HELQ: variants seen among roughly 807,000 people sequenced by gnomAD.
HELQ encodes helicase, POLQ like, also known as helicase POLQ-like.
In HELQ, 77 loss-of-function variants were observed where a neutral mutation model predicts 111.6. The observed-to-expected ratio is 0.69, with a 90% CI of 0.57 to 0.83. The LOEUF (loss-of-function observed/expected upper bound fraction) is 0.83, where lower values mean the gene tolerates loss of function less well. HELQ is among the 40% of genes least tolerant of loss of function. The pLI, the probability that HELQ is intolerant of heterozygous loss-of-function variation, is 0.00. For synonymous variants in HELQ, 438 were observed against 454.7 expected (o/e 0.96, Z 0.47); for missense variants, 1,200 against 1,288.5 (o/e 0.93, Z 1.05).
intron 17 of HELQ, among the ~76,000 whole-genome samples, chr4:83,415,151 C>T (rs1739294281): frequency 1.3e-5 from 2 of 152,162 alleles, no homozygotes; most frequent in Admixed American, 6.5e-5. Flanking sequence ...AAGAAGGAAA[C>T]AATCTCAAAT....
rs59175583 is a variant in HELQ at position 83,429,763 on chromosome 4, T to C, written c.2296-17A>G. 0.017 allele frequency: 26,178 copies of C among 1,541,370 alleles called. 3,694 individuals are homozygous for C. In the African/African-American group the frequency reaches 0.31, roughly 18 times the overall value. On this transcript the variant is annotated splice_polypyrimidine_tract_variant and intron_variant, in intron 11 of 17. Transcript: ENST00000295488. ...CGTTGCAATCTGAAACAATTCAGGATATCATTGGAGCATTTTCCTTAATTC... is the reference window on the plus strand; with the variant it reads ...CGTTGCAATCTGAAACAATTCAGGACATCATTGGAGCATTTTCCTTAATTC...
chr4:83,455,072 C>G (rs1238581563), intron 1 of HELQ, among the ~76,000 whole-genome samples: 1 of 152,156 alleles, frequency 6.6e-6, no homozygotes, highest in African/African-American at 2.4e-5. Context: ...GTCGTAAAAT[C>G]TAGATAATAT....
chr4:83,448,759 T>G (rs377552190), intron 3 of HELQ, 24 bp downstream of exon 3: 5 of 1,582,926 alleles, frequency 3.2e-6, no homozygotes, highest in South Asian at 1.1e-5. Context: ...TAACATTTGT[T>G]TTAAAACATA....
chr4:83,448,459 CAGG>C (rs962165111), intron 3 of HELQ, among the ~76,000 whole-genome samples: 1 of 151,808 alleles, frequency 6.6e-6, no homozygotes, highest in Non-Finnish European at 1.5e-5. Context: ...CACTGGAGAT[CAGG>C]AGTTTGAGAC....
chr4:83,409,410 C>G (rs1474695619), intron 17 of HELQ, among the ~76,000 whole-genome samples: 2 of 151,980 alleles, frequency 1.3e-5, no homozygotes, highest in Non-Finnish European at 2.9e-5. Context: ...AAAATTTAGC[C>G]AGGCAAGGTG....
rs148996864 is a variant in HELQ, at chr4:83,429,539, G to A, written c.2503C>T (p.Arg835Cys). 66 of 1,601,750 alleles carry A rather than the reference G, an allele frequency of 4.1e-5. No individual in the cohort carries two copies. The highest frequency in any genetic ancestry group is 2.2e-4 in the Admixed American group (13 of 59,752). ...AAACTCTTACCCTTAAATGAAGCAC[G>A]TCCCAACTTTGTAATATGAAAATTA... Reference protein sequence around the residue: ...QYNFHITKLGRASFKGTIDLA... With the variant: ...QYNFHITKLGCASFKGTIDLA... Residue 835 changes from arginine (R) to cysteine (C), a missense_variant, in exon 12 of 18, where the codon CGT (arginine) becomes TGT (cysteine). Around this residue, in one of 3 missense-constraint regions of HELQ, gnomAD observed 585 missense variants for 665.3 expected, o/e 0.88. Transcript: ENST00000295488.
Position 83,447,107 on chromosome 4 carries a change from G to A in HELQ, c.1192-72C>T. The A allele has an allele frequency of 5.7e-6, 5 of 877,234 alleles. No individual in the cohort carries two copies. The South Asian group carries it at 7.8e-5, about 14-fold the overall frequency. The allele number at this position is 877,234 out of a possible 1,614,324, so 54.3% of individuals were successfully genotyped here. Reference sequence around the variant, plus strand: ...CAATGCCTGTAATCCCAGTACCTTGGGAGGCTGAGGCGGGAAGATCACTTG... The same window carrying A: ...CAATGCCTGTAATCCCAGTACCTTGAGAGGCTGAGGCGGGAAGATCACTTG... On this transcript the variant is annotated intron_variant, in intron 3 of 17. Transcript: ENST00000295488.
chr4:83,453,689 A>G lies in HELQ; in HGVS notation c.554T>C (p.Ile185Thr), dbSNP rs776555090. The G allele has an allele frequency of 5.0e-6, 8 of 1,614,022 alleles. No homozygotes were observed. The highest frequency in any genetic ancestry group is 2.2e-5 in the South Asian group (2 of 91,086). Residue 185 changes from isoleucine (I) to threonine (T), a missense_variant, in exon 2 of 18, where the codon ATT (isoleucine) becomes ACT (threonine). Coordinates refer to ENST00000295488, the MANE Select transcript of HELQ (RefSeq NM_133636.5). The part of the protein sequence containing the change: ...ENQSGYEGVT[I>T]EPGADLLYDV... ...ATACAAAAGATCAGCTCCAGGTTCAATAGTGACACCTTCATATCCACTCTG... is the reference window on the plus strand; with the variant it reads ...ATACAAAAGATCAGCTCCAGGTTCAGTAGTGACACCTTCATATCCACTCTG...
intron 2 of HELQ, among the ~76,000 whole-genome samples, chr4:83,451,346 C>G (rs1721353578): frequency 6.6e-6 from 1 of 152,010 alleles, no homozygotes; most frequent in Non-Finnish European, 1.5e-5. Context: ...CCAGAGTATA[C>G]CAGGCACAGT....
chr4:83,448,995 C>A, intron 2 of HELQ, 34 bp from the exon 3 acceptor site: 2 of 1,466,366 alleles, frequency 1.4e-6, no homozygotes, highest in Non-Finnish European at 1.8e-6. Flanking sequence ...CATTATTTTC[C>A]CCTTCCAAAC....
chr4:83,440,074 A>G (rs2109999740), intron 7 of HELQ, 66 bp from the exon 8 acceptor site: 1 of 1,260,800 alleles, frequency 7.9e-7, no homozygotes, highest in Non-Finnish European at 1.1e-6. Context: ...ATTTTTTACC[A>G]GTGTGATTTG....
rs11286110 is a variant in HELQ, at chr4:83,430,315, G to GA, written c.2296-570dup. On this transcript the variant is annotated intron_variant, in intron 11 of 17. Transcript: ENST00000295488. ...AACAAAATAAATTAAAAAAAGAACT[G>GA]AAAAAAAAAATACAAGTTTCCACTA... Among the ~76,000 whole-genome samples the GA allele has an allele frequency of 3.9e-3, 579 of 148,432 alleles. 5 individuals carry two copies. Among genetic ancestry groups the GA allele is most frequent in the African/African-American group, 0.012 (481 of 40,320 alleles).
intron 2 of HELQ, 47 bp downstream of exon 2, chr4:83,453,184 T>A (rs745654806): frequency 1.9e-6 from 2 of 1,067,440 alleles, no homozygotes; most frequent in Admixed American, 4.4e-5. Flanking sequence ...ACTAATATTA[T>A]GGTAATGATA....
At chr4:83,415,114 T>C (rs960232338) in intron 17 of HELQ, among the ~76,000 whole-genome samples, 2 of 152,138 alleles carry the variant, frequency 1.3e-5, no homozygotes, top group African/African-American at 4.8e-5. Flanking sequence ...GCCAAGCAAT[T>C]TCAGACTTAG....
chr4:83,427,945 A>G (rs1039134018), intron 12 of HELQ, among the ~76,000 whole-genome samples: 3 of 152,200 alleles, frequency 2.0e-5, no homozygotes, highest in Non-Finnish European at 4.4e-5. Context: ...ATCCAGAGAA[A>G]CATTTCCATA....
chr4:83,448,783 C>T lies in HELQ; in HGVS notation c.1191G>A (p.Lys397=), dbSNP rs1488183346. The T allele has an allele frequency of 1.2e-6, 2 of 1,610,604 alleles. No homozygotes were observed. Among genetic ancestry groups the T allele is most frequent in the Non-Finnish European group, 1.7e-6 (2 of 1,177,870 alleles). Residue 397 remains lysine (K), a splice_region_variant and synonymous_variant, in exon 3 of 18, where the codon AAG becomes AAA. Coordinates refer to ENST00000295488, the MANE Select transcript of HELQ (RefSeq NM_133636.5). ...ILPYVAIVQE[K]ISGLSSFGIE... is the part of the protein sequence containing the mutation. ...TTTTAAAACATACACACACACACAC[C>T]TTTTCTTGGACAATTGCCACATATG...
intron 15 of HELQ, among the ~76,000 whole-genome samples, chr4:83,420,365 G>A (rs529835082): frequency 2.2e-4 from 33 of 151,814 alleles, no homozygotes; most frequent in African/African-American, 7.2e-4. Flanking sequence ...CAGGCGTGGC[G>A]GCTCATGCCT....
chr4:83,428,072 T>G (rs1719941165), intron 12 of HELQ, among the ~76,000 whole-genome samples: 1 of 152,206 alleles, frequency 6.6e-6, no homozygotes, highest in Non-Finnish European at 1.5e-5. Flanking sequence ...ACATCCATAC[T>G]ATAGATGACT....
At chr4:83,452,910 G>A (rs779801384) in intron 2 of HELQ, among the ~76,000 whole-genome samples, 34 of 152,164 alleles carry the variant, frequency 2.2e-4, no homozygotes, top group Admixed American at 6.5e-4. Flanking sequence ...TACCAACATT[G>A]AATTTGGCAT....
Sources: allele counts gnomAD v4.1 joint callset (sites outside exome capture counted in the v4.1 genomes callset), GRCh38; gene constraint gnomAD v4.1.1; regional missense constraint gnomAD v4.1.1; transcripts MANE v1.5; gene names NCBI Gene and HGNC (gene_info 2026-07-23, HGNC 2026-07-21).